LRRC4C: variants seen among roughly 807,000 people sequenced by gnomAD.
LRRC4C encodes leucine rich repeat containing 4C, also known as leucine-rich repeat-containing protein 4C.
In LRRC4C, 5 loss-of-function variants were observed where a neutral mutation model predicts 33.6. That is an observed-to-expected ratio of 0.15 (90% confidence interval 0.08 to 0.31). The LOEUF (loss-of-function observed/expected upper bound fraction) is 0.31. LRRC4C is among the 10% of genes least tolerant of loss of function. LRRC4C has a pLI of 1.00. For missense variants in LRRC4C, 560 were observed against 796.7 expected (o/e 0.70, Z 3.58); for synonymous variants, 329 against 302.0 (o/e 1.09, Z -0.93).
intron 4 of LRRC4C, among the ~76,000 whole-genome samples, chr11:40,256,103 A>G (rs977690266): frequency 2.0e-5 from 3 of 152,206 alleles, no homozygotes; most frequent in Admixed American, 6.5e-5. Flanking sequence ...GGATCCACTC[A>G]TGCATTCTGC....
intron 2 of LRRC4C, among the ~76,000 whole-genome samples, chr11:40,844,436 G>C (rs1229754879): frequency 6.6e-6 from 1 of 152,082 alleles, no homozygotes; most frequent in African/African-American, 2.4e-5. Flanking sequence ...ACATTCTTAA[G>C]AAAGAGACAG....
At chr11:40,305,686 C>G (rs1298069455) in intron 4 of LRRC4C, among the ~76,000 whole-genome samples, 1 of 151,838 alleles carries the variant, frequency 6.6e-6, no homozygotes, top group African/African-American at 2.4e-5. Flanking sequence ...AGCCTGGGCT[C>G]TTAAGCCCAA....
At chr11:40,401,499 C>T (rs1287027779) in intron 3 of LRRC4C, among the ~76,000 whole-genome samples, 1 of 152,082 alleles carries the variant, frequency 6.6e-6, no homozygotes, top group Non-Finnish European at 1.5e-5. Context: ...CAGAAGCAGC[C>T]AACATTCTGT....
chr11:40,143,051 GT>G, intron 5 of LRRC4C, among the ~76,000 whole-genome samples: 1 of 152,118 alleles, frequency 6.6e-6, no homozygotes, highest in East Asian at 1.9e-4. Flanking sequence ...ACCTTGAAAC[GT>G]TTTTTTGGTC....
chr11:40,506,575 G>T (rs1387499876), intron 3 of LRRC4C, among the ~76,000 whole-genome samples: 1 of 151,908 alleles, frequency 6.6e-6, no homozygotes, highest in East Asian at 1.9e-4. Context: ...AAATATATTT[G>T]CTCTCTTCTA....
At chr11:40,440,461 T>G (rs946756981) in intron 3 of LRRC4C, among the ~76,000 whole-genome samples, 3 of 152,154 alleles carry the variant, frequency 2.0e-5, no homozygotes, top group Non-Finnish European at 4.4e-5. Flanking sequence ...TTGGTACTGA[T>G]TAACAAAAGG....
chr11:40,860,883 T>G (rs1479192579), intron 2 of LRRC4C, among the ~76,000 whole-genome samples: 1 of 149,310 alleles, frequency 6.7e-6, no homozygotes, highest in Admixed American at 6.8e-5. Context: ...TTTATTTTGA[T>G]ATGATGAAAA....
At chr11:40,616,394 G>C (rs1441273096) in intron 3 of LRRC4C, among the ~76,000 whole-genome samples, 1 of 152,006 alleles carries the variant, frequency 6.6e-6, no homozygotes. Context: ...ATTTGACCCA[G>C]CAAGCCTATT....
intron 1 of LRRC4C, among the ~76,000 whole-genome samples, chr11:40,976,142 C>A (rs927588794): frequency 6.6e-6 from 1 of 152,112 alleles, no homozygotes; most frequent in African/African-American, 2.4e-5. Flanking sequence ...CATTATACTG[C>A]GTATGCACTT....
chr11:40,674,821 A>T (rs1002660432), intron 2 of LRRC4C, among the ~76,000 whole-genome samples: 1 of 152,064 alleles, frequency 6.6e-6, no homozygotes, highest in African/African-American at 2.4e-5. Flanking sequence ...CACCCTTTTA[A>T]TTTCTATCAA....
In LRRC4C at chr11:40,949,466, G is replaced by T. The variant is rs1958587100; in HGVS notation, c.-495-15743C>A. ...AAAAAATGTTAAGGGCAGCCAGAGA[G>T]AAAGGTCAGGTTACCCACAAAGGGA... On this transcript the variant is annotated intron_variant, in intron 1 of 6. Transcript: ENST00000528697. 2.0e-5 allele frequency among the ~76,000 whole-genome samples: 3 copies of T among 152,198 alleles called. No homozygotes were observed. The South Asian group carries it at 6.2e-4, about 32-fold the overall frequency.
chr11:40,537,809 C>G (rs1344006861), intron 3 of LRRC4C, among the ~76,000 whole-genome samples: 1 of 152,106 alleles, frequency 6.6e-6, no homozygotes, highest in Non-Finnish European at 1.5e-5. Context: ...TATGTAAAAC[C>G]CGCATGACCA....
At chr11:40,653,859 C>A (rs770851745) in intron 2 of LRRC4C, among the ~76,000 whole-genome samples, 3 of 152,206 alleles carry the variant, frequency 2.0e-5, no homozygotes, top group Non-Finnish European at 2.9e-5. Context: ...AAACTGGTTT[C>A]ATGGGCCAGG....
intron 3 of LRRC4C, among the ~76,000 whole-genome samples, chr11:40,458,155 G>A (rs539622378): frequency 2.4e-4 from 36 of 152,168 alleles, no homozygotes; most frequent in African/African-American, 7.9e-4. Flanking sequence ...TAAATCATAC[G>A]GAGAAGATGT....
intron 2 of LRRC4C, among the ~76,000 whole-genome samples, chr11:40,800,420 C>A (rs1257882831): frequency 6.6e-6 from 1 of 152,128 alleles, no homozygotes; most frequent in Non-Finnish European, 1.5e-5. Context: ...TCATCAATAC[C>A]CATATTTTGT....
At chr11:40,882,630 C>T (rs1443893587) in intron 2 of LRRC4C, among the ~76,000 whole-genome samples, 1 of 151,972 alleles carries the variant, frequency 6.6e-6, no homozygotes. Flanking sequence ...CTCCAGATGC[C>T]ATCTTTCCAA....
intron 1 of LRRC4C, among the ~76,000 whole-genome samples, chr11:41,134,994 A>G (rs995425224): frequency 1.3e-5 from 2 of 152,164 alleles, no homozygotes; most frequent in African/African-American, 4.8e-5. Context: ...TCATTATGAA[A>G]GTCAATAAAC....
intron 2 of LRRC4C, among the ~76,000 whole-genome samples, chr11:40,859,439 T>A (rs572541558): frequency 6.4e-4 from 98 of 152,222 alleles, no homozygotes; most frequent in South Asian, 2.3e-3. Flanking sequence ...ACTTTATTAT[T>A]TTGTGAATAT....
chr11:40,702,180 A>G (rs961033171), intron 2 of LRRC4C, among the ~76,000 whole-genome samples: 29 of 152,242 alleles, frequency 1.9e-4, no homozygotes, highest in African/African-American at 5.8e-4. Context: ...GTATATATAT[A>G]TAATTTGTAT....
Sources: allele counts gnomAD v4.1 joint callset (sites outside exome capture counted in the v4.1 genomes callset), GRCh38; gene constraint gnomAD v4.1.1; transcripts MANE v1.5; gene names NCBI Gene and HGNC (gene_info 2026-07-23, HGNC 2026-07-21).